FABP9: variants seen among roughly 807,000 people sequenced by gnomAD.
The protein encoded by FABP9 is fatty acid-binding protein 9.
A neutral mutation model predicts 14.7 loss-of-function variants in FABP9; 11 were observed. The ratio of observed to expected loss-of-function variants is 0.75; its 90% confidence interval spans 0.47 to 1.24. The LOEUF (loss-of-function observed/expected upper bound fraction) is 1.24. FABP9 is among the 50% of genes most tolerant of loss of function. The probability of loss-of-function intolerance (pLI) is 0.00; values close to 1 mark genes in which losing one functional copy is unlikely to be tolerated. For missense variants in FABP9, 171 were observed against 158.2 expected (o/e 1.08, Z -0.44); for synonymous variants, 54 against 50.6 (o/e 1.07, Z -0.29).
intron 3 of FABP9, 79 bp from the exon 4 acceptor site, chr8:81,458,512 C>T: frequency 1.3e-6 from 2 of 1,486,520 alleles, no homozygotes; most frequent in South Asian, 2.3e-5. Context: ...CAGACCAAAC[C>T]CTTAATTCAG....
At chr8:81,460,453 C>G (rs1020937910) in intron 1 of FABP9, among the ~76,000 whole-genome samples, 3 of 152,004 alleles carry the variant, frequency 2.0e-5, no homozygotes, top group African/African-American at 7.2e-5. Context: ...TTTTATATAC[C>G]CCCCCAATTT....
Position 81,459,115 on chromosome 8 carries a change from C to T in FABP9, c.246+50G>A, listed in dbSNP as rs556372021. ...AATTACAGTAAACCATGCCTAACCA[C>T]CTTCTAACTTTTTCCTGATTGTTGA... On this transcript the variant is annotated intron_variant, in intron 2 of 3. Transcript: ENST00000379071. 2.6e-6 allele frequency: 4 copies of T among 1,515,826 alleles called. No individual in the cohort carries two copies. In the South Asian group the frequency reaches 5.1e-5, roughly 19 times the overall value. The allele number at this position is 1,515,826 out of a possible 1,614,324, so 93.9% of individuals were successfully genotyped here. A position where few individuals can be genotyped will look rare whatever the true frequency, so the allele number is the denominator to read the frequency against.
At position 81,461,335 on chromosome 8, in the gene FABP9, A is replaced by T; in HGVS notation, c.73+116T>A. 6.4e-6 allele frequency: 5 copies of T among 780,966 alleles called. No individual in the cohort carries two copies. In the South Asian group the frequency reaches 7.5e-5, roughly 12 times the overall value. The allele number at this position is 780,966 out of a possible 1,614,324, so 48.4% of individuals were successfully genotyped here. A position where few individuals can be genotyped will look rare whatever the true frequency, so the allele number is the denominator to read the frequency against. ...GTAGAAGCATACATTGTGTTAGTCTATATACCCTAGGATCACAAAAGGAAG... is the reference window on the plus strand; with the variant it reads ...GTAGAAGCATACATTGTGTTAGTCTTTATACCCTAGGATCACAAAAGGAAG... On this transcript the variant is annotated intron_variant, in intron 1 of 3. Coordinates refer to ENST00000379071, the MANE Select transcript of FABP9 (RefSeq NM_001080526.2).
At chr8:81,459,799 G>T (rs1807660424) in intron 1 of FABP9, among the ~76,000 whole-genome samples, 1 of 152,186 alleles carries the variant, frequency 6.6e-6, no homozygotes, top group South Asian at 2.1e-4. Flanking sequence ...TTGTGGAACT[G>T]ATATGACACA....
chr8:81,458,385 A>G lies in FABP9; in HGVS notation c.397T>C (p.Ter133ArgextTer26). The change falls in exon 4 of 4, where the codon TGA (stop) becomes CGA (arginine). Residue 133 changes from the stop codon to arginine, a stop_lost. Coordinates refer to ENST00000379071, the MANE Select transcript of FABP9 (RefSeq NM_001080526.2). ...IVSTRIYEKV[*>R] is the part of the protein sequence containing the mutation. The stretch of plus-strand genomic sequence containing the variant: ...TTTTCATTGCTGTGGACCTTTCTTC[A>G]CACCTTTTCGTAGATTCTGGTGCTG... 6.2e-7 allele frequency: 1 copy of G among 1,610,882 alleles called. No individual in the cohort carries two copies. Among genetic ancestry groups the G allele is most frequent in the Non-Finnish European group, 8.5e-7 (1 of 1,177,262 alleles).
chr8:81,459,184 G>A lies in FABP9; in HGVS notation c.227C>T (p.Ala76Val). The A allele has an allele frequency of 1.9e-6, 3 of 1,590,748 alleles. No homozygotes were observed. The highest frequency in any genetic ancestry group is 4.6e-5 in the East Asian group (2 of 43,396). ...TCTGACCTTTACTTTCCGGTTGTCT[G>A]CTGTAGTTTCATCAAATTCTTCCCC... is the stretch of plus-strand genomic sequence containing the variant. ...KLGEEFDETT[A>V]DNRKVKSTIT... Residue 76 changes from alanine to valine, a missense_variant, in exon 2 of 4, where the codon GCA becomes GTA. Transcript: ENST00000379071.
intron 2 of FABP9, 33 bp from the exon 3 acceptor site, chr8:81,458,736 C>T (rs1247886557): frequency 7.1e-7 from 1 of 1,414,596 alleles, no homozygotes; most frequent in African/African-American, 1.4e-5. Flanking sequence ...GAAGTAGCAA[C>T]TCACTACCTT....
At chr8:81,458,823 G>A in intron 2 of FABP9, 120 bp from the exon 3 acceptor site, 1 of 728,516 alleles carries the variant, frequency 1.4e-6, no homozygotes, top group Non-Finnish European at 2.2e-6. Flanking sequence ...CACTTTTGTT[G>A]TCATGATGTA....
At chr8:81,460,431 A>G (rs1303529095) in intron 1 of FABP9, among the ~76,000 whole-genome samples, 1 of 151,900 alleles carries the variant, frequency 6.6e-6, no homozygotes, top group Non-Finnish European at 1.5e-5. Flanking sequence ...CTCTGGCCAT[A>G]AGGCCCAAGT....
In FABP9 at chr8:81,461,563, A is replaced by G. The variant is rs1807695547; in HGVS notation, c.-40T>C. 6.7e-7 allele frequency: 1 copy of G among 1,495,102 alleles called. No individual in the cohort carries two copies. The highest frequency in any genetic ancestry group is 1.4e-5 in the African/African-American group (1 of 72,468). The allele number at this position is 1,495,102 out of a possible 1,614,324, so 92.6% of individuals were successfully genotyped here. On this transcript the variant is annotated 5_prime_UTR_variant, in exon 1 of 4. Transcript: ENST00000379071. ...TGAGAAGAGCCACTCGTAATTGAAA[A>G]CCAAAGAAATATAGGCATTACGGTG...
intron 1 of FABP9, 132 bp downstream of exon 1, chr8:81,461,319 T>C (rs1230404503): frequency 8.6e-6 from 6 of 700,802 alleles, no homozygotes; most frequent in Non-Finnish European, 1.5e-5. Flanking sequence ...AGTAGAAGCA[T>C]ACATTGTGTT....
In FABP9 at chr8:81,461,484, T is replaced by C. The variant is rs1408777757; in HGVS notation, c.40A>G (p.Ser14Gly). The C allele has an allele frequency of 6.2e-7, 1 of 1,613,846 alleles. No homozygotes were observed. The highest frequency in any genetic ancestry group is 8.5e-7 in the Non-Finnish European group (1 of 1,179,754). The change falls in exon 1 of 4, where the codon AGT (serine) becomes GGT (glycine). Residue 14 changes from serine (S) to glycine (G), a missense_variant. Transcript: ENST00000379071. ...TTCATGTAATCCTCAAAGTTTTCAC[T>C]GGAGACCAGCTTCCAGGTTCCCAAG... ...PFLGTWKLVS[S>G]ENFEDYMKEL...
chr8:81,458,291 A>G lies in FABP9; in HGVS notation c.*92T>C, dbSNP rs1160947155. On this transcript the variant is annotated 3_prime_UTR_variant, in exon 4 of 4. Coordinates refer to ENST00000379071, the MANE Select transcript of FABP9 (RefSeq NM_001080526.2). Reference sequence around the variant, plus strand: ...TTTTATTAAGCAAATTTATATTGAGACATTTTTTAAAAATCACCAGCCCTG... The same window carrying G: ...TTTTATTAAGCAAATTTATATTGAGGCATTTTTTAAAAATCACCAGCCCTG... The G allele has an allele frequency of 1.4e-5, 13 of 948,850 alleles. No individual in the cohort carries two copies. Among genetic ancestry groups the G allele is most frequent in the Non-Finnish European group, 2.2e-5 (13 of 597,054 alleles). The allele number at this position is 948,850 out of a possible 1,614,324, so 58.8% of individuals were successfully genotyped here.
rs202229657 is a variant in FABP9 at position 81,458,712 on chromosome 8, G to C, written c.247-9C>G. ...TCTAATGTTATGGTGCTCTATAAAT[G>C]CATAAAGAAATCAGAAGTAGCAACT... On this transcript the variant is annotated splice_polypyrimidine_tract_variant and intron_variant, in intron 2 of 3. Transcript: ENST00000379071. 8 of 1,593,724 alleles carry C rather than the reference G, an allele frequency of 5.0e-6. No homozygotes were observed. Among genetic ancestry groups the C allele is most frequent in the Non-Finnish European group, 6.9e-6 (8 of 1,163,250 alleles).
intron 1 of FABP9, among the ~76,000 whole-genome samples, chr8:81,459,979 GTTT>G (rs568405597): frequency 2.7e-5 from 4 of 149,228 alleles, no homozygotes; most frequent in African/African-American, 9.9e-5. Flanking sequence ...GACCTCGCAA[GTTT>G]TTTTTTTGTT....
Position 81,458,846 on chromosome 8 carries a change from T to TAGA in FABP9, c.247-146_247-144dup, listed in dbSNP as rs112491935. ...TTGTCATGATGTAGTACTATCAAAC[T>TAGA]AGAAGTCTCAAGAGATTATTCAATT... On this transcript the variant is annotated intron_variant, in intron 2 of 3. Coordinates refer to ENST00000379071, the MANE Select transcript of FABP9 (RefSeq NM_001080526.2). 0.011 allele frequency: 7,267 copies of TAGA among 648,050 alleles called. 385 individuals are homozygous for TAGA. The African/African-American group carries it at 0.12, about 10-fold the overall frequency. The allele number at this position is 648,050 out of a possible 1,614,324, so 40.1% of individuals were successfully genotyped here.
At chr8:81,460,291 T>G (rs774881791) in intron 1 of FABP9, among the ~76,000 whole-genome samples, 44 of 152,302 alleles carry the variant, frequency 2.9e-4, no homozygotes, top group Middle Eastern at 6.8e-3. Flanking sequence ...TGAGCCACTG[T>G]ACCCAGCCAG....
At chr8:81,459,513 T>C (rs1364415858) in intron 1 of FABP9, among the ~76,000 whole-genome samples, 176 bp from the exon 2 acceptor site, 2 of 152,246 alleles carry the variant, frequency 1.3e-5, no homozygotes, top group African/African-American at 4.8e-5. Context: ...TCATAAGGTA[T>C]ATATGTGACA....
Position 81,459,220 on chromosome 8 carries a change from G to A in FABP9, c.191C>T (p.Ser64Phe). Residue 64 changes from serine to phenylalanine, a missense_variant, in exon 2 of 4, where the codon TCC (serine) becomes TTC (phenylalanine). Ser to Phe is a radical substitution (Grantham distance 155). Coordinates refer to ENST00000379071, the MANE Select transcript of FABP9 (RefSeq NM_001080526.2). ...ATCAAATTCTTCCCCCAGCTTGAAG[G>A]AGATCTTAGTGTCCTGGAAAGAACT... ...TESSFQDTKI[S>F]FKLGEEFDET... The A allele has an allele frequency of 6.3e-7, 1 of 1,593,040 alleles. No individual in the cohort carries two copies. Among genetic ancestry groups the A allele is most frequent in the South Asian group, 1.1e-5 (1 of 86,978 alleles).
Sources: gnomAD v4.1 joint callset for allele counts (sites outside exome capture counted in the v4.1 genomes callset) on GRCh38, gnomAD v4.1.1 for gene constraint, MANE v1.5 for transcripts, NCBI Gene and HGNC (gene_info 2026-07-23, HGNC 2026-07-21) for gene names.